Variants in COL24A1 observed in about 807,000 individuals in gnomAD.
COL24A1 encodes collagen alpha-1(XXIV) chain.
A neutral mutation model predicts 253.9 loss-of-function variants in COL24A1; 224 were observed. That is an observed-to-expected ratio of 0.88 (90% CI 0.79 to 0.99). The LOEUF (loss-of-function observed/expected upper bound fraction) is 0.99, where lower values mean the gene tolerates loss of function less well. Ranked by LOEUF, COL24A1 falls within the 50% of genes least tolerant of loss-of-function variation. The pLI is 0.00. For missense variants in COL24A1, 2,131 were observed against 2,068.5 expected (o/e 1.03, Z -0.59); for synonymous variants, 685 against 673.7 (o/e 1.02, Z -0.26).
chr1:86,093,218 T>C (rs879549252), intron 5 of COL24A1, among the ~76,000 whole-genome samples: 4 of 151,970 alleles, frequency 2.6e-5, no homozygotes, highest in Admixed American at 2.6e-4. Context: ...GTCCTGCGTG[T>C]CCCCCAGTAA....
intron 47 of COL24A1, among the ~76,000 whole-genome samples, chr1:85,786,687 T>C (rs1229094758): frequency 6.6e-6 from 1 of 152,222 alleles, no homozygotes; most frequent in African/African-American, 2.4e-5. Flanking sequence ...CTTGGGTTTT[T>C]AAAATGAAAA....
intron 23 of COL24A1, among the ~76,000 whole-genome samples, chr1:85,964,439 T>A (rs1033111487): frequency 2.0e-5 from 3 of 152,092 alleles, no homozygotes; most frequent in African/African-American, 7.2e-5. Context: ...CTTAGTAATG[T>A]TATAGAAACT....
In COL24A1 at chr1:85,823,690, G is replaced by T. The variant is rs146746341; in HGVS notation, c.3730C>A (p.Pro1244Thr). The T allele has an allele frequency of 9.0e-4, 1,454 of 1,613,730 alleles. 19 individuals carry two copies. The East Asian group carries it at 0.026, about 28-fold the overall frequency. The part of the protein sequence containing the change: ...GLRGATGQQG[P>T]PGEPGDQGEQ... ...ATAATGCTTTCAAAACATACTGGGG[G>T]TCCTTGTTGTCCAGTGGCACCTCTT... Residue 1244 changes from proline (P) to threonine (T), a missense_variant, in exon 44 of 60, where the codon CCC becomes ACC. By Grantham distance (38) the Pro-to-Thr change is conservative. Transcript: ENST00000370571.
At chr1:85,813,849 C>T (rs1419978880) in intron 47 of COL24A1, among the ~76,000 whole-genome samples, 2 of 152,058 alleles carry the variant, frequency 1.3e-5, no homozygotes, top group African/African-American at 4.8e-5. Context: ...CCGCGCCCGG[C>T]CTCATTCAGG....
At chr1:86,154,530 G>A (rs1375043491) in intron 1 of COL24A1, 1 of 152,510 alleles carries the variant, frequency 6.6e-6, no homozygotes, top group South Asian at 2.1e-4. Flanking sequence ...AAGTTCCTCC[G>A]GTGCAATCCA....
intron 48 of COL24A1, among the ~76,000 whole-genome samples, chr1:85,785,682 G>A (rs1002254976): frequency 9.9e-5 from 15 of 152,184 alleles, no homozygotes; most frequent in African/African-American, 3.6e-4. Flanking sequence ...ACCCACATGG[G>A]TCAGAAATCT....
chr1:86,080,464 T>G (rs1702552529), intron 7 of COL24A1, among the ~76,000 whole-genome samples: 1 of 152,134 alleles, frequency 6.6e-6, no homozygotes, highest in East Asian at 1.9e-4. Flanking sequence ...ACAGGATAAA[T>G]GTTTGTGAGG....
At position 85,896,388 on chromosome 1, in the gene COL24A1, G is replaced by C; in HGVS notation, c.2800C>G (p.Leu934Val). The change falls in exon 29 of 60, where the codon CTC becomes GTC. Residue 934 changes from leucine (L) to valine (V), a missense_variant. Transcript: ENST00000370571. ...CCTTGTATACCTTGTTCCCCTAAGA[G>C]ACCATCTGGTCCTCTTGATCCCTAG... ...GQRGSRGPDG[L>V]LGEQGIQGAK... 1 of 1,613,284 alleles carries C rather than the reference G, an allele frequency of 6.2e-7. No individual in the cohort carries two copies. Among genetic ancestry groups the C allele is most frequent in the Non-Finnish European group, 8.5e-7 (1 of 1,179,354 alleles).
At chr1:85,786,225 C>A (rs188099492) in intron 48 of COL24A1, 129 bp downstream of exon 48, 7 of 684,762 alleles carry the variant, frequency 1.0e-5, no homozygotes, top group African/African-American at 1.8e-5. Context: ...CTTTTCCTAA[C>A]GTGCTTTTAC....
intron 5 of COL24A1, among the ~76,000 whole-genome samples, chr1:86,097,510 CT>C (rs1248412918): frequency 3.2e-3 from 14 of 4,406 alleles, no homozygotes; most frequent in South Asian, 9.1e-3. Flanking sequence ...CCTTCTCCTC[CT>C]CCCTCCTCCT....
intron 5 of COL24A1, among the ~76,000 whole-genome samples, chr1:86,097,215 T>G (rs1349990125): frequency 6.6e-6 from 1 of 152,172 alleles, no homozygotes; most frequent in Admixed American, 6.5e-5. Flanking sequence ...AGAGTGAAAC[T>G]CCTAAGTTGT....
chr1:85,781,677 T>A (rs533449257), intron 51 of COL24A1, among the ~76,000 whole-genome samples: 2 of 152,252 alleles, frequency 1.3e-5, no homozygotes, highest in South Asian at 4.1e-4. Flanking sequence ...TTGGGTAACA[T>A]GAAGCATGAA....
chr1:86,042,869 G>A (rs1699607529), intron 12 of COL24A1, among the ~76,000 whole-genome samples: 1 of 152,080 alleles, frequency 6.6e-6, no homozygotes. Context: ...TGTGCTATAT[G>A]TATATATAAT....
At chr1:86,117,186 G>T (rs2102200612) in intron 3 of COL24A1, among the ~76,000 whole-genome samples, 1 of 152,352 alleles carries the variant, frequency 6.6e-6, no homozygotes, top group Admixed American at 6.5e-5. Flanking sequence ...AAGGCAGTTT[G>T]CTATGGCTTG....
intron 35 of COL24A1, among the ~76,000 whole-genome samples, chr1:85,874,033 G>A (rs1571020934): frequency 6.6e-6 from 1 of 152,108 alleles, no homozygotes; most frequent in African/African-American, 2.4e-5. Context: ...AAAAGAGAAA[G>A]TAAAAAGGAA....
chr1:85,881,853 T>C (rs1214318590), intron 32 of COL24A1, among the ~76,000 whole-genome samples: 1 of 152,156 alleles, frequency 6.6e-6, no homozygotes, highest in Non-Finnish European at 1.5e-5. Flanking sequence ...TTTCTGCTGA[T>C]TTTTATTACT....
chr1:85,979,814 G>C (rs1257715694), intron 20 of COL24A1, among the ~76,000 whole-genome samples: 1 of 151,906 alleles, frequency 6.6e-6, no homozygotes, highest in African/African-American at 2.4e-5. Flanking sequence ...GAGAAAGAGG[G>C]GATCCTCCCT....
intron 52 of COL24A1, among the ~76,000 whole-genome samples, chr1:85,776,980 T>C (rs965068761): frequency 1.3e-5 from 2 of 151,914 alleles, no homozygotes; most frequent in African/African-American, 4.8e-5. Context: ...AGAAGGAGTC[T>C]CGCTCTGTCA....
At chr1:85,837,371 T>G (rs571714803) in intron 43 of COL24A1, among the ~76,000 whole-genome samples, 1 of 152,334 alleles carries the variant, frequency 6.6e-6, no homozygotes, top group East Asian at 1.9e-4. Flanking sequence ...TTCCTCTGGC[T>G]TGAGAAAAAT....
Sources: gnomAD v4.1 joint callset for allele counts (sites outside exome capture counted in the v4.1 genomes callset) on GRCh38, gnomAD v4.1.1 for gene constraint, MANE v1.5 for transcripts, NCBI Gene and HGNC (gene_info 2026-07-23, HGNC 2026-07-21) for gene names.